The following ITPKB variants were observed in gnomAD, a reference collection of about 807,000 sequenced individuals.
ITPKB encodes IP3 3-kinase B.
A neutral mutation model predicts 69.4 loss-of-function variants in ITPKB; 13 were observed. The ratio of observed to expected loss-of-function variants is 0.19; its 90% CI spans 0.12 to 0.30. The LOEUF is 0.30. Ranked by LOEUF, ITPKB falls within the 10% of genes least tolerant of loss-of-function variation. The probability of loss-of-function intolerance (pLI) is 1.00; values close to 1 mark genes in which losing one functional copy is unlikely to be tolerated. For missense variants in ITPKB, 1,240 were observed against 1,250.5 expected (o/e 0.99, Z 0.13); for synonymous variants, 584 against 513.7 (o/e 1.14, Z -1.85).
chr1:226,674,579 C>T (rs1669689066), intron 2 of ITPKB, among the ~76,000 whole-genome samples: 1 of 152,110 alleles, frequency 6.6e-6, no homozygotes, highest in Non-Finnish European at 1.5e-5. Flanking sequence ...GGTGATCTGC[C>T]CGCCTTGGCC....
chr1:226,639,703 C>G (rs1252171438), intron 5 of ITPKB, 45 bp from the exon 6 acceptor site: 3 of 1,325,780 alleles, frequency 2.3e-6, no homozygotes, highest in African/African-American at 2.9e-5. Flanking sequence ...AGCAGGGACC[C>G]TCGGGCAGAA....
intron 2 of ITPKB, among the ~76,000 whole-genome samples, chr1:226,697,576 C>T (rs1462300156): frequency 6.6e-6 from 1 of 152,180 alleles, no homozygotes; most frequent in African/African-American, 2.4e-5. Context: ...GCCATTTCTT[C>T]TGAGGAATAA....
intron 2 of ITPKB, among the ~76,000 whole-genome samples, chr1:226,668,703 CAA>C (rs1394661656): frequency 6.6e-6 from 1 of 152,122 alleles, no homozygotes; most frequent in Non-Finnish European, 1.5e-5. Context: ...CTGTTTCAAC[CAA>C]AAGAAATTTT....
rs541158802 is a variant in ITPKB, at chr1:226,671,199, C to T, written c.1933-22428G>A. ...AAGCCCAGGAACATTAGTGGAGGAC[C>T]ATTCGGATGACAGACAGCAGCTAGA... On this transcript the variant is annotated intron_variant, in intron 2 of 7. Transcript: ENST00000429204. Among the ~76,000 whole-genome samples, 10 of 152,296 alleles carry T rather than the reference C, an allele frequency of 6.6e-5. No individual in the cohort carries two copies. The East Asian group carries it at 1.9e-3, about 29-fold the overall frequency.
chr1:226,645,621 T>C (rs2102743873), intron 4 of ITPKB, among the ~76,000 whole-genome samples: 1 of 152,266 alleles, frequency 6.6e-6, no homozygotes, highest in South Asian at 2.1e-4. Flanking sequence ...ACCTGCGAAG[T>C]CCTGCTGCTG....
chr1:226,677,843 T>C (rs1177798641), intron 2 of ITPKB, among the ~76,000 whole-genome samples: 3 of 152,190 alleles, frequency 2.0e-5, no homozygotes, highest in Non-Finnish European at 4.4e-5. Context: ...AAAACAACCA[T>C]GTGGAGGCTC....
At chr1:226,651,468 C>G (rs1254334018) in intron 2 of ITPKB, among the ~76,000 whole-genome samples, 1 of 152,126 alleles carries the variant, frequency 6.6e-6, no homozygotes, top group Non-Finnish European at 1.5e-5. Flanking sequence ...GGTCTTTAGC[C>G]CTCTGTGTTC....
chr1:226,732,543 T>C (rs1657621684), intron 2 of ITPKB, among the ~76,000 whole-genome samples: 1 of 148,550 alleles, frequency 6.7e-6, no homozygotes, highest in South Asian at 2.1e-4. Flanking sequence ...CAGCGTTCTT[T>C]TGTTTTTTTT....
intron 2 of ITPKB, among the ~76,000 whole-genome samples, chr1:226,714,041 A>G (rs1246565690): frequency 1.3e-5 from 2 of 152,348 alleles, no homozygotes; most frequent in African/African-American, 4.8e-5. Flanking sequence ...CAGAGAGCAG[A>G]CAATGAGTTG....
At chr1:226,710,997 C>T (rs962063533) in intron 2 of ITPKB, among the ~76,000 whole-genome samples, 9 of 152,218 alleles carry the variant, frequency 5.9e-5, no homozygotes, top group African/African-American at 2.2e-4. Context: ...AAGCAGGGCC[C>T]TTCTGAGCAT....
intron 4 of ITPKB, among the ~76,000 whole-genome samples, chr1:226,644,914 G>A (rs1290830115): frequency 6.6e-6 from 1 of 152,254 alleles, no homozygotes; most frequent in Non-Finnish European, 1.5e-5. Context: ...TGGCCCAAAT[G>A]GAACTAGCCT....
rs141824593 is a variant in ITPKB, at chr1:226,708,156, G to A, written c.1932+27371C>T. On this transcript the variant is annotated intron_variant, in intron 2 of 7. Transcript: ENST00000429204. ...ATTGCAATTATGTAAAACAAAATTA[G>A]GCAATTGATCAAAGACCAAATTGGA... Among the ~76,000 whole-genome samples, 329 of 152,288 alleles carry A rather than the reference G, an allele frequency of 2.2e-3. 3 individuals are homozygous for A. Among genetic ancestry groups the A allele is most frequent in the African/African-American group, 6.9e-3 (288 of 41,562 alleles).
intron 2 of ITPKB, among the ~76,000 whole-genome samples, chr1:226,715,622 C>T (rs1353578390): frequency 1.3e-5 from 2 of 152,178 alleles, no homozygotes; most frequent in Non-Finnish European, 2.9e-5. Context: ...ATAAACCAAA[C>T]ACAAATATCA....
In ITPKB at chr1:226,649,563, A is replaced by G. The variant is rs555790973; in HGVS notation, c.1933-792T>C. On this transcript the variant is annotated intron_variant, in intron 2 of 7. Transcript: ENST00000429204. ...GTGCATGCGTGTGTGATATGCACAT[A>G]TGTGTGCATGAGTGTGTGCGTGTGC... 6.8e-5 allele frequency among the ~76,000 whole-genome samples: 10 copies of G among 147,744 alleles called. No homozygotes were observed. In the East Asian group the frequency reaches 1.2e-3, roughly 18 times the overall value.
intron 2 of ITPKB, among the ~76,000 whole-genome samples, chr1:226,677,143 G>A (rs1451514714): frequency 6.6e-6 from 1 of 152,202 alleles, no homozygotes; most frequent in Middle Eastern, 3.2e-3. Flanking sequence ...CCAAGAGGGT[G>A]TTACCCCCAG....
At chr1:226,688,027 G>A (rs570960774) in intron 2 of ITPKB, among the ~76,000 whole-genome samples, 3 of 152,210 alleles carry the variant, frequency 2.0e-5, no homozygotes, top group African/African-American at 7.2e-5. Flanking sequence ...ATTGCCCTAC[G>A]TTTTCCTTAG....
At chr1:226,692,477 G>A (rs988277473) in intron 2 of ITPKB, among the ~76,000 whole-genome samples, 2 of 152,102 alleles carry the variant, frequency 1.3e-5, no homozygotes, top group East Asian at 3.9e-4. Flanking sequence ...TTTTTAAGGG[G>A]GTAAACTTCT....
At chr1:226,714,125 A>T (rs1657038720) in intron 2 of ITPKB, among the ~76,000 whole-genome samples, 2 of 152,142 alleles carry the variant, frequency 1.3e-5, no homozygotes, top group African/African-American at 4.8e-5. Context: ...AAATATTTCT[A>T]GTTCTCCTGG....
intron 2 of ITPKB, among the ~76,000 whole-genome samples, chr1:226,705,113 A>C (rs1362115897): frequency 6.6e-6 from 1 of 152,264 alleles, no homozygotes; most frequent in Non-Finnish European, 1.5e-5. Flanking sequence ...ACTCTCCCAC[A>C]GAGCAAAATT....
Sources: gnomAD v4.1 joint callset for allele counts (sites outside exome capture counted in the v4.1 genomes callset) on GRCh38, gnomAD v4.1.1 for gene constraint, MANE v1.5 for transcripts, NCBI Gene and HGNC (gene_info 2026-07-23, HGNC 2026-07-21) for gene names.